The following FOXJ3 variants were observed in gnomAD, a reference collection of about 807,000 sequenced individuals.
The protein encoded by FOXJ3 is forkhead box J3, also known as forkhead box protein J3.
In FOXJ3, 22 loss-of-function variants were observed where a neutral mutation model predicts 76.1. That is an observed-to-expected ratio of 0.29 (90% CI 0.21 to 0.41). The LOEUF (loss-of-function observed/expected upper bound fraction) is 0.41, where lower values mean the gene tolerates loss of function less well. Ranked by LOEUF, FOXJ3 falls within the 10% of genes least tolerant of loss-of-function variation. The probability of loss-of-function intolerance (pLI) is 1.00; values close to 1 mark genes in which losing one functional copy is unlikely to be tolerated. For missense variants in FOXJ3, 613 were observed against 762.1 expected (o/e 0.80, Z 2.30); for synonymous variants, 269 against 261.2 (o/e 1.03, Z -0.29).
intron 1 of FOXJ3, among the ~76,000 whole-genome samples, chr1:42,331,781 A>T (rs1446365237): frequency 1.3e-5 from 2 of 152,064 alleles, no homozygotes; most frequent in Non-Finnish European, 2.9e-5. Context: ...GTATACTTTA[A>T]ATGTGTGAAT....
At chr1:42,308,039 T>C (rs936028751) in intron 2 of FOXJ3, among the ~76,000 whole-genome samples, 5 of 152,168 alleles carry the variant, frequency 3.3e-5, no homozygotes, top group Admixed American at 3.3e-4. Flanking sequence ...ACAAATTTTT[T>C]ATACTTTCCT....
At chr1:42,195,798 ATAGGAAAATGGCTCCGCCACTGGCACCC>A (rs1367486061) in intron 7 of FOXJ3, among the ~76,000 whole-genome samples, 1 of 152,264 alleles carries the variant, frequency 6.6e-6, no homozygotes, top group African/African-American at 2.4e-5. Flanking sequence ...GAATTTTTAC[ATAGGAAAATGGCTCCGCCACTGGCACCC>A]TAGTGTCCTT....
At chr1:42,200,764 T>C (rs1646749091) in intron 6 of FOXJ3, among the ~76,000 whole-genome samples, 1 of 152,166 alleles carries the variant, frequency 6.6e-6, no homozygotes, top group Admixed American at 6.5e-5. Context: ...ATTACAGGCA[T>C]GAACCACCGC....
intron 7 of FOXJ3, among the ~76,000 whole-genome samples, chr1:42,196,273 T>A (rs1382700134): frequency 6.6e-6 from 1 of 152,190 alleles, no homozygotes; most frequent in Non-Finnish European, 1.5e-5. Context: ...TAAAATTATC[T>A]CAATCCATGT....
At chr1:42,323,086 G>A (rs920537126) in intron 1 of FOXJ3, among the ~76,000 whole-genome samples, 1 of 152,132 alleles carries the variant, frequency 6.6e-6, no homozygotes, top group Non-Finnish European at 1.5e-5. Context: ...AATGTCAAGT[G>A]TATAATGACT....
intron 3 of FOXJ3, among the ~76,000 whole-genome samples, chr1:42,266,901 A>G (rs11210613): frequency 0.7 from 106,978 of 151,850 alleles, 38,298 homozygotes; most frequent in Admixed American, 0.8. Context: ...TGCCTCTAGG[A>G]AGGGATAGGA....
Position 42,309,001 on chromosome 1 carries a change from C to CAAAA in FOXJ3, c.44+2045_44+2048dup, listed in dbSNP as rs59583552. Among the ~76,000 whole-genome samples the CAAAA allele has an allele frequency of 2.5e-4, 26 of 103,834 alleles. 2 individuals carry two copies. Among genetic ancestry groups the CAAAA allele is most frequent in the Admixed American group, 3.4e-4 (3 of 8,732 alleles). 68.1% of individuals were successfully genotyped at this position (103,834 alleles called of 152,430 possible). On this transcript the variant is annotated intron_variant, in intron 2 of 12. Coordinates refer to ENST00000361346, the MANE Select transcript of FOXJ3 (RefSeq NM_014947.5). ...TAAAGAAATAACAACAGTCGTTTTA[C>CAAAA]AAAAAAAAAAAAAAAAATGCTTTTC...
At chr1:42,192,083 G>A (rs917297106) in intron 8 of FOXJ3, among the ~76,000 whole-genome samples, 2 of 152,224 alleles carry the variant, frequency 1.3e-5, no homozygotes, top group African/African-American at 4.8e-5. Context: ...ATAAGGAAAT[G>A]TTCGGGGAAA....
At chr1:42,292,734 G>A (rs1425626790) in intron 2 of FOXJ3, among the ~76,000 whole-genome samples, 1 of 152,212 alleles carries the variant, frequency 6.6e-6, no homozygotes, top group African/African-American at 2.4e-5. Context: ...GATGATTTAT[G>A]TGTGTATGTA....
At chr1:42,189,094 C>A (rs1646492927) in intron 10 of FOXJ3, 166 bp from the exon 11 acceptor site, 4 of 617,462 alleles carry the variant, frequency 6.5e-6, no homozygotes. Context: ...TATTCAAAGC[C>A]CAATTATTTT....
At position 42,201,894 on chromosome 1, in the gene FOXJ3, C is replaced by T. The variant is rs150096694; in HGVS notation, c.631-2664G>A. 2.9e-3 allele frequency among the ~76,000 whole-genome samples: 434 copies of T among 152,140 alleles called. 4 individuals are homozygous for T. The highest frequency in any genetic ancestry group is 4.2e-3 in the Non-Finnish European group (287 of 67,974). On this transcript the variant is annotated intron_variant, in intron 6 of 12. Coordinates refer to ENST00000361346, the MANE Select transcript of FOXJ3 (RefSeq NM_014947.5). ...TTTTTAATTATGGGTTTAATATATA[C>T]AAAAGTATTAACATTTTCTATTTAT...
At chr1:42,324,300 T>C (rs1212134570) in intron 1 of FOXJ3, among the ~76,000 whole-genome samples, 1 of 142,316 alleles carries the variant, frequency 7.0e-6, no homozygotes, top group Non-Finnish European at 1.5e-5. Flanking sequence ...ATATATTATA[T>C]ATATACACTA....
At chr1:42,329,083 A>G (rs1391349944) in intron 1 of FOXJ3, among the ~76,000 whole-genome samples, 2 of 152,178 alleles carry the variant, frequency 1.3e-5, no homozygotes, top group African/African-American at 4.8e-5. Flanking sequence ...ACTTTGAAAG[A>G]CATCACATTC....
chr1:42,263,930 C>CTTTTTTTTTTTTT (rs61375062), intron 4 of FOXJ3, among the ~76,000 whole-genome samples: 4 of 71,396 alleles, frequency 5.6e-5, no homozygotes, highest in African/African-American at 2.0e-4. Flanking sequence ...AGTAGGTTAA[C>CTTTTTTTTTTTTT]TTTTTTTTTT....
chr1:42,215,530 A>G (rs1647047814), intron 5 of FOXJ3, among the ~76,000 whole-genome samples: 1 of 152,200 alleles, frequency 6.6e-6, no homozygotes, highest in African/African-American at 2.4e-5. Flanking sequence ...AAAGAGAGAA[A>G]AGGGCAGAAA....
At chr1:42,188,976 A>G (rs752423274) in intron 10 of FOXJ3, 48 bp from the exon 11 acceptor site, 1 of 1,234,528 alleles carries the variant, frequency 8.1e-7, no homozygotes, top group East Asian at 2.5e-5. Flanking sequence ...TGCAATAAAC[A>G]TTGCAAGGAA....
chr1:42,216,496 C>T (rs929694561), intron 5 of FOXJ3, among the ~76,000 whole-genome samples: 2 of 149,372 alleles, frequency 1.3e-5, no homozygotes, highest in Non-Finnish European at 1.5e-5. Flanking sequence ...CCAGCCTGGG[C>T]GACAGAGCGA....
At chr1:42,244,317 A>C (rs1420792907) in intron 4 of FOXJ3, among the ~76,000 whole-genome samples, 1 of 152,148 alleles carries the variant, frequency 6.6e-6, no homozygotes, top group East Asian at 1.9e-4. Flanking sequence ...AAAAGAAATA[A>C]TGCAGCCTGG....
intron 2 of FOXJ3, among the ~76,000 whole-genome samples, chr1:42,290,863 C>A (rs951293236): frequency 1.3e-5 from 2 of 152,030 alleles, no homozygotes; most frequent in Non-Finnish European, 2.9e-5. Flanking sequence ...TAATTTTCAA[C>A]CCTCCACTAA....
Sources: gnomAD v4.1 joint callset for allele counts (sites outside exome capture counted in the v4.1 genomes callset) on GRCh38, gnomAD v4.1.1 for gene constraint, MANE v1.5 for transcripts, NCBI Gene and HGNC (gene_info 2026-07-23, HGNC 2026-07-21) for gene names.